Variants in COL5A3 observed in about 807,000 individuals in gnomAD.
COL5A3 encodes collagen type V alpha 3 chain, also known as collagen alpha-3(V) chain.
A neutral mutation model predicts 250.0 loss-of-function variants in COL5A3; 172 were observed. The ratio of observed to expected loss-of-function variants is 0.69; its 90% confidence interval spans 0.61 to 0.78. The LOEUF (loss-of-function observed/expected upper bound fraction) is 0.78, where lower values mean the gene tolerates loss of function less well. Ranked by LOEUF, COL5A3 falls within the 30% of genes least tolerant of loss-of-function variation. The pLI is 0.00. For synonymous variants in COL5A3, 937 were observed against 900.4 expected (o/e 1.04, Z -0.73); for missense variants, 2,340 against 2,334.4 (o/e 1.00, Z -0.05).
At position 10,006,251 on chromosome 19, in the gene COL5A3, G is replaced by A; in HGVS notation, c.89-20C>T. 5 of 1,576,000 alleles carry A rather than the reference G, an allele frequency of 3.2e-6. No individual in the cohort carries two copies. Among genetic ancestry groups the A allele is most frequent in the Middle Eastern group, 3.4e-4 (2 of 5,934 alleles). ...CAGGATCTGCAGCAGAGAGAAGCCGGGGGTGTCAGGCAGAGGTGGGGAACA... is the reference window on the plus strand; with the variant it reads ...CAGGATCTGCAGCAGAGAGAAGCCGAGGGTGTCAGGCAGAGGTGGGGAACA... On this transcript the variant is annotated intron_variant, in intron 1 of 66. Transcript: ENST00000264828.
rs146203835 is a variant in COL5A3 at position 9,992,873 on chromosome 19, C to A, written c.1802G>T (p.Arg601Leu). Residue 601 changes from arginine to leucine, a missense_variant, in exon 21 of 67, where the codon CGA becomes CTA. Physicochemically the swap from Arg to Leu is moderately radical, Grantham distance 102. Around this residue, in one of 3 missense-constraint regions of COL5A3, gnomAD observed 1,152 missense variants for 1,146.3 expected, o/e 1.00. Transcript: ENST00000264828. ...PTGQAGEPGP[R>L]GLLGPRGSPG... is the part of the protein sequence containing the mutation. Reference sequence around the variant, plus strand: ...AGAGCCTCTGGGGCCAAGCAGTCCTCGTGGACCCTGCAAGGGAGCAGGCGA... The same window carrying A: ...AGAGCCTCTGGGGCCAAGCAGTCCTAGTGGACCCTGCAAGGGAGCAGGCGA... The A allele has an allele frequency of 7.4e-6, 12 of 1,614,104 alleles. No homozygotes were observed. Among genetic ancestry groups the A allele is most frequent in the Middle Eastern group, 1.7e-4 (1 of 6,060 alleles).
At chr19:9,991,496 GCA>G (rs1355542787) in intron 24 of COL5A3, 112 bp downstream of exon 24, 1 of 834,616 alleles carries the variant, frequency 1.2e-6, no homozygotes, top group Non-Finnish European at 1.8e-6. Flanking sequence ...AGGGAATGTT[GCA>G]GTCTATCACT....
At chr19:9,972,886 C>T in intron 51 of COL5A3, 33 bp downstream of exon 51, 1 of 1,506,902 alleles carries the variant, frequency 6.6e-7, no homozygotes, top group South Asian at 1.3e-5. Context: ...GTGCCCCCTC[C>T]CATGTCTGCC....
At chr19:9,977,196 C>A (rs1414358176) in intron 44 of COL5A3, 33 bp downstream of exon 44, 6 of 1,601,764 alleles carry the variant, frequency 3.7e-6, no homozygotes, top group Non-Finnish European at 4.3e-6. Context: ...CCGCTACCCA[C>A]CCCACCCTGC....
chr19:9,995,058 C>T (rs34403918), intron 16 of COL5A3, among the ~76,000 whole-genome samples: 5,513 of 152,204 alleles, frequency 0.036, 139 homozygotes, highest in Middle Eastern at 0.065. Flanking sequence ...CAGGCGCACG[C>T]TGCCATGCCC....
Position 9,970,224 on chromosome 19 carries a change from G to T in COL5A3, c.3937-302C>A, listed in dbSNP as rs866608942. On this transcript the variant is annotated intron_variant, in intron 54 of 66. Transcript: ENST00000264828. ...TGAGTGGGGGCTGTGGGTGAGTGGG[G>T]GCTGTGGGGTGAGTGGGGTCTTTGG... is the stretch of plus-strand genomic sequence containing the variant. 2.7e-4 allele frequency among the ~76,000 whole-genome samples: 13 copies of T among 48,750 alleles called. 3 individuals are homozygous for T. Among genetic ancestry groups the T allele is most frequent in the African/African-American group, 7.3e-4 (7 of 9,570 alleles). The allele number at this position is 48,750 out of a possible 152,430, so 32.0% of individuals were successfully genotyped here.
At chr19:9,996,962 GAGACAGAGAGAGAT>G (rs1000789008) in intron 11 of COL5A3, 23 of 536,660 alleles carry the variant, frequency 4.3e-5, no homozygotes, top group Non-Finnish European at 6.2e-5. Flanking sequence ...CAGAAACAGA[GAGACAGAGAGAGAT>G]AGACAGAGAC....
At chr19:9,997,194 A>G (rs1171898308) in intron 11 of COL5A3, 177 bp downstream of exon 11, 5 of 648,922 alleles carry the variant, frequency 7.7e-6, no homozygotes, top group Admixed American at 2.5e-5. Context: ...CCCCAGCAAC[A>G]CAAGGTGAAC....
In COL5A3 at chr19:9,977,447, G is replaced by A; in HGVS notation, c.3152C>T (p.Thr1051Ile). 1 of 1,521,286 alleles carries A rather than the reference G, an allele frequency of 6.6e-7. No individual in the cohort carries two copies. Among genetic ancestry groups the A allele is most frequent in the Non-Finnish European group, 8.8e-7 (1 of 1,136,306 alleles). The allele number at this position is 1,521,286 out of a possible 1,614,324, so 94.2% of individuals were successfully genotyped here. Residue 1051 changes from threonine (T) to isoleucine (I), a missense_variant, in exon 43 of 67, where the codon ACT (threonine) becomes ATT (isoleucine). Thr to Ile is a moderately conservative substitution (Grantham distance 89). This residue lies in a region of COL5A3 where 1,179 missense variants were observed against 1,162.6 expected (regional missense o/e 1.01). Transcript: ENST00000264828. ...SRGERGPPGP[T>I]GKDGIPGPLG... is the part of the protein sequence containing the mutation. ...GGGCCCTGGGATCCCATCTTTGCCA[G>A]TGGGGCCAGGGGGGCCACGTTCTCC... is the stretch of plus-strand genomic sequence containing the variant.
In COL5A3 at chr19:9,996,246, G is replaced by C. The variant is rs750192903; in HGVS notation, c.1439C>G (p.Pro480Arg). 2 of 1,575,008 alleles carry C rather than the reference G, an allele frequency of 1.3e-6. No homozygotes were observed. Among genetic ancestry groups the C allele is most frequent in the Admixed American group, 1.9e-5 (1 of 52,038 alleles). ...LQQTQLSMKG[P>R]PGPVGLTGRP... is the part of the protein sequence containing the mutation. ...CCCAGTGAGCCCCACTGGACCAGGG[G>C]GGCCTTTCATAGAGAGCTGGAAAGA... The change falls in exon 14 of 67, where the codon CCC becomes CGC. Residue 480 changes from proline (P) to arginine (R), a missense_variant. Pro to Arg is a moderately radical substitution (Grantham distance 103). Coordinates refer to ENST00000264828, the MANE Select transcript of COL5A3 (RefSeq NM_015719.4).
chr19:9,970,845 A>G (rs1392242044), intron 53 of COL5A3, 130 bp downstream of exon 53: 2 of 1,077,392 alleles, frequency 1.9e-6, no homozygotes, highest in Non-Finnish European at 2.6e-6. Flanking sequence ...GGGTCCCCAG[A>G]GAGGTGAAGC....
chr19:9,963,630 C>T (rs1182726656), intron 64 of COL5A3, among the ~76,000 whole-genome samples: 7 of 151,000 alleles, frequency 4.6e-5, no homozygotes, highest in Admixed American at 4.6e-4. Context: ...TGGGCTCAAG[C>T]GATCCTCCCA....
At chr19:9,995,089 G>T (rs1314098757) in intron 16 of COL5A3, among the ~76,000 whole-genome samples, 1 of 152,068 alleles carries the variant, frequency 6.6e-6, no homozygotes, top group Non-Finnish European at 1.5e-5. Context: ...TGTATTTTTA[G>T]TAGAGACGGG....
chr19:9,979,376 G>C lies in COL5A3; in HGVS notation c.2754C>G (p.Val918=). 1 of 1,614,092 alleles carries C rather than the reference G, an allele frequency of 6.2e-7. No individual in the cohort carries two copies. The change falls in exon 38 of 67, where the codon GTC becomes GTG. Residue 918 remains valine, a synonymous_variant. Transcript: ENST00000264828. ...GQTGPPGPAG[V]LGPQGKTGEV... is the part of the protein sequence containing the mutation. ...AGTCCACTCTGACCTGAGGGCCTAA[G>C]ACACCAGCTGGTCCAGGCGGGCCTG...
In COL5A3 at chr19:10,003,691, G is replaced by C; in HGVS notation, c.723C>G (p.Thr241=). The change falls in exon 6 of 67, where the codon ACC becomes ACG. Residue 241 remains threonine (T), a synonymous_variant. Coordinates refer to ENST00000264828, the MANE Select transcript of COL5A3 (RefSeq NM_015719.4). ...ATVAPQGEPE[T]PRPRRKGKGK... is the part of the protein sequence containing the mutation. ...CCTTCCCCTTCCGCCGAGGACGAGG[G>C]GTTTCTGGTTCACCCTGGGGAGCCT... The C allele has an allele frequency of 1.2e-6, 2 of 1,614,138 alleles. No homozygotes were observed. Among genetic ancestry groups the C allele is most frequent in the Non-Finnish European group, 1.7e-6 (2 of 1,180,034 alleles).
At position 9,969,661 on chromosome 19, in the gene COL5A3, G is replaced by T. The variant is rs752761129; in HGVS notation, c.4012C>A (p.Pro1338Thr). ...GAKGEPGPDGPPGRTGPMGAR... is the reference protein window; with the variant it reads ...GAKGEPGPDGTPGRTGPMGAR... ...CCCATTGGACCCGTCCTCCCTGGGGGCCCATCAGGACCTGGCTCCCCCTGA... is the reference window on the plus strand; with the variant it reads ...CCCATTGGACCCGTCCTCCCTGGGGTCCCATCAGGACCTGGCTCCCCCTGA... Residue 1338 changes from proline (P) to threonine (T), a missense_variant, in exon 56 of 67, where the codon CCC becomes ACC. By Grantham distance (38) the Pro-to-Thr change is conservative. Transcript: ENST00000264828. The T allele has an allele frequency of 1.4e-5, 22 of 1,587,866 alleles. No homozygotes were observed. Among genetic ancestry groups the T allele is most frequent in the Middle Eastern group, 3.4e-4 (2 of 5,928 alleles).
chr19:9,989,450 C>T lies in COL5A3; in HGVS notation c.2046+19G>A. On this transcript the variant is annotated intron_variant, in intron 25 of 66. Transcript: ENST00000264828. Reference sequence around the variant, plus strand: ...GCTCCCCTTTCTCCTTCCTCCTTTTCCCAGCTCATGGTTCTCACCAGAGGG... The same window carrying T: ...GCTCCCCTTTCTCCTTCCTCCTTTTTCCAGCTCATGGTTCTCACCAGAGGG... 6.2e-7 allele frequency: 1 copy of T among 1,613,664 alleles called. No homozygotes were observed. Among genetic ancestry groups the T allele is most frequent in the Non-Finnish European group, 8.5e-7 (1 of 1,179,618 alleles).
chr19:9,998,229 C>T (rs2087301676), intron 8 of COL5A3, 80 bp from the exon 9 acceptor site: 2 of 1,299,594 alleles, frequency 1.5e-6, no homozygotes, highest in East Asian at 4.6e-5. Context: ...ATCACACACA[C>T]TTGCACACAC....
intron 11 of COL5A3, 104 bp from the exon 12 acceptor site, chr19:9,996,793 G>GC: frequency 2.6e-6 from 2 of 757,860 alleles, no homozygotes; most frequent in Non-Finnish European, 4.2e-6. Flanking sequence ...GAGAGAGAGG[G>GC]AGAGATGGAG....
Sources: allele counts gnomAD v4.1 joint callset (sites outside exome capture counted in the v4.1 genomes callset), GRCh38; gene constraint gnomAD v4.1.1; regional missense constraint gnomAD v4.1.1; transcripts MANE v1.5; gene names NCBI Gene and HGNC (gene_info 2026-07-23, HGNC 2026-07-21).